The following PVT1 variants were observed in gnomAD, a reference collection of about 807,000 sequenced individuals.
PVT1 encodes the protein Pvt1 oncogene.
intron 2 of PVT1, among the ~76,000 whole-genome samples, chr8:127,883,273 C>G (rs1416534813): frequency 6.6e-6 from 1 of 152,198 alleles, no homozygotes; most frequent in Non-Finnish European, 1.5e-5. Context: ...CAGCCTGTGC[C>G]AACCCTGTAT....
intron 3 of PVT1, among the ~76,000 whole-genome samples, chr8:127,966,462 A>G (rs1300302850): frequency 6.6e-6 from 1 of 152,168 alleles, no homozygotes; most frequent in East Asian, 1.9e-4. Flanking sequence ...ATTGTTTTCC[A>G]CTATACCTCT....
At chr8:127,970,289 G>GTTTT (rs68010926) in intron 3 of PVT1, among the ~76,000 whole-genome samples, 2,293 of 49,012 alleles carry the variant, frequency 0.047, 806 homozygotes, top group Non-Finnish European at 0.062. Flanking sequence ...GCCATGATTT[G>GTTTT]TTTTTTTTTT....
At chr8:128,033,142 AAAG>A (rs1464706093) in intron 4 of PVT1, among the ~76,000 whole-genome samples, 1 of 152,224 alleles carries the variant, frequency 6.6e-6, no homozygotes, top group Non-Finnish European at 1.5e-5. Flanking sequence ...GCATTGTTAG[AAAG>A]AAGAAGAGAC....
intron 2 of PVT1, among the ~76,000 whole-genome samples, chr8:127,847,840 C>T (rs1054065552): frequency 2.6e-5 from 4 of 151,772 alleles, no homozygotes; most frequent in African/African-American, 4.8e-5. Context: ...GTGGCCTGTG[C>T]GTGGTGGGAG....
chr8:128,016,688 G>A (rs181926727), intron 4 of PVT1, among the ~76,000 whole-genome samples: 39 of 152,364 alleles, frequency 2.6e-4, no homozygotes, highest in Admixed American at 2.3e-3. Context: ...CTGTGAGGGA[G>A]ACGAAGATGA....
chr8:128,044,556 A>G (rs1235642226), intron 4 of PVT1, among the ~76,000 whole-genome samples: 1 of 152,140 alleles, frequency 6.6e-6, no homozygotes. Flanking sequence ...AATCATTACT[A>G]CCTCCCTGCT....
intron 4 of PVT1, among the ~76,000 whole-genome samples, chr8:128,064,700 A>G (rs1317275292): frequency 6.6e-6 from 1 of 152,264 alleles, no homozygotes; most frequent in African/African-American, 2.4e-5. Context: ...ACCCACAAAC[A>G]AACTTGAGAA....
At chr8:128,017,889 T>A (rs1586483253) in intron 4 of PVT1, among the ~76,000 whole-genome samples, 2 of 152,308 alleles carry the variant, frequency 1.3e-5, no homozygotes, top group Middle Eastern at 3.4e-3. Context: ...CAGCTGTAGG[T>A]CACATTCAGC....
chr8:127,982,684 TA>T (rs11347261), intron 3 of PVT1, among the ~76,000 whole-genome samples: 6,371 of 137,522 alleles, frequency 0.046, 447 homozygotes, highest in African/African-American at 0.16. Context: ...ATTAATAAAA[TA>T]AATGAATCAA....
intron 5 of PVT1, among the ~76,000 whole-genome samples, chr8:128,089,267 A>AT (rs1814317269): frequency 6.6e-6 from 1 of 152,180 alleles, no homozygotes; most frequent in African/African-American, 2.4e-5. Context: ...GTGCTGACAG[A>AT]TTCTGTGTCT....
At chr8:127,894,075 C>T (rs942219747) in intron 3 of PVT1, among the ~76,000 whole-genome samples, 2 of 152,224 alleles carry the variant, frequency 1.3e-5, no homozygotes, top group Non-Finnish European at 2.9e-5. Flanking sequence ...CCCTGACTGC[C>T]GCTACAGCAG....
intron 4 of PVT1, among the ~76,000 whole-genome samples, chr8:128,036,339 T>G (rs944729478): frequency 6.6e-6 from 1 of 152,270 alleles, no homozygotes; most frequent in Admixed American, 6.5e-5. Context: ...TGGAGCACAG[T>G]ATGTACCCCA....
chr8:127,845,810 G>T (rs1281425551), intron 2 of PVT1, among the ~76,000 whole-genome samples: 1 of 152,196 alleles, frequency 6.6e-6, no homozygotes, highest in African/African-American at 2.4e-5. Flanking sequence ...CAGCCTCCAG[G>T]CCTGGCGAGG....
intron 3 of PVT1, chr8:127,947,284 T>A (rs539656207): frequency 5.1e-4 from 105 of 207,182 alleles, no homozygotes; most frequent in Non-Finnish European, 7.0e-4. Context: ...ACTCTTATTC[T>A]CTGGCTTATT....
Position 128,083,497 on chromosome 8 carries a change from G to C in PVT1, n.1115-13021G>C, listed in dbSNP as rs148031130. 1.8e-3 allele frequency among the ~76,000 whole-genome samples: 280 copies of C among 152,240 alleles called. 5 individuals are homozygous for C. In the East Asian group the frequency reaches 0.053, roughly 29 times the overall value. ...GGTGGTTTCTTTTTGACAAAAAAAG[G>C]CTCCTTAGAGAACGTTGGCTTGCAA... On this transcript the variant is annotated intron_variant and non_coding_transcript_variant, in intron 5 of 10. Coordinates refer to ENST00000651587, the Ensembl canonical transcript of PVT1.
chr8:127,859,622 C>T (rs1191303396), intron 2 of PVT1, among the ~76,000 whole-genome samples: 2 of 152,250 alleles, frequency 1.3e-5, no homozygotes, highest in South Asian at 2.1e-4. Flanking sequence ...CCTGGCTGCC[C>T]TGGTCCTGTG....
chr8:127,866,098 C>T (rs990073859), intron 2 of PVT1, among the ~76,000 whole-genome samples: 3 of 152,186 alleles, frequency 2.0e-5, no homozygotes, highest in African/African-American at 7.2e-5. Context: ...ATTAGGGACC[C>T]CTTCCTCTCC....
At chr8:128,006,433 T>A (rs1000604157) in intron 4 of PVT1, among the ~76,000 whole-genome samples, 1 of 152,188 alleles carries the variant, frequency 6.6e-6, no homozygotes, top group African/African-American at 2.4e-5. Context: ...TAATGATGTT[T>A]ACTTCCATCA....
intron 2 of PVT1, among the ~76,000 whole-genome samples, chr8:127,874,275 G>T (rs188690928): frequency 2.0e-5 from 3 of 152,172 alleles, no homozygotes; most frequent in Non-Finnish European, 4.4e-5. Context: ...GCTGAGAGTC[G>T]CAAGGGGTTA....
Sources: allele counts gnomAD v4.1 joint callset (sites outside exome capture counted in the v4.1 genomes callset), GRCh38; gene constraint gnomAD v4.1.1; transcripts MANE v1.5; gene names NCBI Gene and HGNC (gene_info 2026-07-23, HGNC 2026-07-21).